Variants in MYT1L observed in about 807,000 individuals in gnomAD.
The protein encoded by MYT1L is myelin transcription factor 1 like.
A neutral mutation model predicts 126.7 loss-of-function variants in MYT1L; 12 were observed. The observed-to-expected ratio is 0.09, with a 90% CI of 0.06 to 0.15. The LOEUF (loss-of-function observed/expected upper bound fraction) is 0.15. MYT1L is among the 10% of genes least tolerant of loss of function. The pLI is 1.00. For missense variants in MYT1L, 979 were observed against 1,585.2 expected, an observed-to-expected ratio of 0.62 and a Z score of 6.49; for synonymous variants, 541 against 604.2, an observed-to-expected ratio of 0.90 and a Z score of 1.53.
chr2:2,147,088 G>A (rs2084996859), intron 3 of MYT1L, among the ~76,000 whole-genome samples: 1 of 152,206 alleles, frequency 6.6e-6, no homozygotes, highest in Admixed American at 6.5e-5. Context: ...AGCTGCAGCT[G>A]AACTCCAGCT....
rs115395373 is a variant in MYT1L at position 1,847,165 on chromosome 2, C to T, written c.2774+4476G>A. On this transcript the variant is annotated intron_variant, in intron 19 of 24. Coordinates refer to ENST00000647738, the MANE Select transcript of MYT1L (RefSeq NM_001303052.2). ...CAGGTGAGCACAGGCGCTGACAAGACGGGCAGCTGAGCATCTCTGTGCCCG... is the reference window on the plus strand; with the variant it reads ...CAGGTGAGCACAGGCGCTGACAAGATGGGCAGCTGAGCATCTCTGTGCCCG... Among the ~76,000 whole-genome samples the T allele has an allele frequency of 8.2e-3, 1,254 of 152,292 alleles. 9 individuals are homozygous for T. Among genetic ancestry groups the T allele is most frequent in the African/African-American group, 0.028 (1,174 of 41,564 alleles).
At chr2:1,843,903 G>A (rs1048421911) in intron 19 of MYT1L, among the ~76,000 whole-genome samples, 3 of 152,336 alleles carry the variant, frequency 2.0e-5, no homozygotes, top group Non-Finnish European at 1.5e-5. Context: ...ATTTGGCTCC[G>A]ACAATGCGGT....
chr2:1,940,933 T>C (rs1371144936), intron 9 of MYT1L, among the ~76,000 whole-genome samples: 1 of 152,226 alleles, frequency 6.6e-6, no homozygotes, highest in Admixed American at 6.5e-5. Flanking sequence ...CAGTCGCTCC[T>C]TTGGCGGTGC....
At chr2:1,792,207 C>T in intron 24 of MYT1L, 114 bp downstream of exon 24, 1 of 1,394,614 alleles carries the variant, frequency 7.2e-7, no homozygotes, top group Non-Finnish European at 9.5e-7. Context: ...GTGGTAACCA[C>T]AAACATTTGC....
At chr2:2,057,677 A>G (rs2069788377) in intron 3 of MYT1L, among the ~76,000 whole-genome samples, 1 of 152,192 alleles carries the variant, frequency 6.6e-6, no homozygotes, top group Non-Finnish European at 1.5e-5. Flanking sequence ...TATTTCAAGA[A>G]CGTTCTATAA....
intron 3 of MYT1L, among the ~76,000 whole-genome samples, chr2:2,163,084 T>C (rs1430803559): frequency 2.6e-5 from 4 of 152,198 alleles, no homozygotes; most frequent in Admixed American, 6.5e-5. Context: ...AGTGGGTCTA[T>C]CTGCAGAATA....
At chr2:2,198,321 G>T (rs2092915289) in intron 2 of MYT1L, among the ~76,000 whole-genome samples, 1 of 152,078 alleles carries the variant, frequency 6.6e-6, no homozygotes, top group Admixed American at 6.5e-5. Flanking sequence ...TTACAGTTAG[G>T]CAAGAGGACC....
At chr2:2,122,872 T>TGTGAGAGAGA (rs553951630) in intron 3 of MYT1L, among the ~76,000 whole-genome samples, 7 of 133,078 alleles carry the variant, frequency 5.3e-5, no homozygotes, top group African/African-American at 1.2e-4. Context: ...TGTGTGTGTG[T>TGTGAGAGAGA]GAGAGAGAGA....
intron 23 of MYT1L, chr2:1,800,099 G>C (rs1325077277): frequency 6.6e-6 from 1 of 152,176 alleles, no homozygotes; most frequent in East Asian, 1.9e-4. Context: ...TAATACTCAA[G>C]GGTGAATTTT....
intron 3 of MYT1L, among the ~76,000 whole-genome samples, chr2:2,159,760 A>G (rs1338437082): frequency 6.6e-6 from 1 of 151,944 alleles, no homozygotes; most frequent in East Asian, 1.9e-4. Flanking sequence ...CAAGCAGATG[A>G]CCTTGAAAAG....
intron 3 of MYT1L, among the ~76,000 whole-genome samples, chr2:2,159,742 C>T (rs2087519471): frequency 6.6e-6 from 1 of 152,026 alleles, no homozygotes; most frequent in African/African-American, 2.4e-5. Context: ...GCCTTCGGCC[C>T]AGATAACCAA....
intron 18 of MYT1L, among the ~76,000 whole-genome samples, chr2:1,880,586 A>C (rs530201764): frequency 6.6e-6 from 1 of 152,374 alleles, no homozygotes; most frequent in South Asian, 2.1e-4. Context: ...ATATAAATGA[A>C]AAATGGAAAA....
At chr2:2,105,569 T>C (rs191853556) in intron 3 of MYT1L, among the ~76,000 whole-genome samples, 50 of 152,362 alleles carry the variant, frequency 3.3e-4, no homozygotes, top group Admixed American at 2.9e-3. Flanking sequence ...AAAATGCTAA[T>C]TTTAAAATGG....
intron 2 of MYT1L, among the ~76,000 whole-genome samples, chr2:2,280,222 T>C (rs181258985): frequency 6.6e-6 from 1 of 152,340 alleles, no homozygotes; most frequent in East Asian, 1.9e-4. Context: ...GCTTATATGA[T>C]GTCAAATTAG....
At chr2:2,287,041 G>A (rs1298867216) in intron 1 of MYT1L, among the ~76,000 whole-genome samples, 1 of 152,118 alleles carries the variant, frequency 6.6e-6, no homozygotes, top group Non-Finnish European at 1.5e-5. Flanking sequence ...CGGATCACCT[G>A]AGGTCGGGAG....
At chr2:2,223,470 T>A (rs1028966275) in intron 2 of MYT1L, among the ~76,000 whole-genome samples, 1 of 152,234 alleles carries the variant, frequency 6.6e-6, no homozygotes, top group Non-Finnish European at 1.5e-5. Flanking sequence ...CTTTCTTTTT[T>A]ATAAAAACTG....
chr2:2,184,425 C>T (rs2091901146), intron 2 of MYT1L, among the ~76,000 whole-genome samples: 1 of 152,140 alleles, frequency 6.6e-6, no homozygotes, highest in Non-Finnish European at 1.5e-5. Context: ...GCTTCCAATC[C>T]ACTGACGTTT....
chr2:2,154,861 T>G (rs2086463574), intron 3 of MYT1L, among the ~76,000 whole-genome samples: 1 of 152,216 alleles, frequency 6.6e-6, no homozygotes, highest in Non-Finnish European at 1.5e-5. Context: ...GTGCAGTGGC[T>G]CATGCCTATA....
chr2:2,043,387 C>T lies in MYT1L; in HGVS notation c.-158+10591G>A, dbSNP rs2067778911. 2.0e-5 allele frequency among the ~76,000 whole-genome samples: 3 copies of T among 152,176 alleles called. No individual in the cohort carries two copies. The South Asian group carries it at 6.2e-4, about 32-fold the overall frequency. Reference sequence around the variant, plus strand: ...CTTGTTATGTTGTTATCAGTTCTCACCAATGGCAGAAATTAAAAGGGGCCT... The same window carrying T: ...CTTGTTATGTTGTTATCAGTTCTCATCAATGGCAGAAATTAAAAGGGGCCT... On this transcript the variant is annotated intron_variant, in intron 4 of 24. Coordinates refer to ENST00000647738, the MANE Select transcript of MYT1L (RefSeq NM_001303052.2).
Sources: gnomAD v4.1 joint callset for allele counts (sites outside exome capture counted in the v4.1 genomes callset) on GRCh38, gnomAD v4.1.1 for gene constraint, MANE v1.5 for transcripts, NCBI Gene and HGNC (gene_info 2026-07-23, HGNC 2026-07-21) for gene names.